Variants in HDAC9 observed in about 807,000 individuals in gnomAD.
HDAC9 encodes the protein histone deacetylase 9, also known as MEF-2 interacting transcription repressor (MITR) protein.
In HDAC9, 41 loss-of-function variants were observed where a neutral mutation model predicts 139.4. The ratio of observed to expected loss-of-function variants is 0.29; its 90% confidence interval spans 0.23 to 0.38. The LOEUF (loss-of-function observed/expected upper bound fraction) is 0.38. Among genes scored for constraint, HDAC9 ranks in the 10% least tolerant of loss-of-function variants. The probability of loss-of-function intolerance (pLI) is 1.00; values close to 1 mark genes in which losing one functional copy is unlikely to be tolerated. For synonymous variants in HDAC9, 517 were observed against 476.2 expected, an observed-to-expected ratio of 1.09 and a Z score of -1.12; for missense variants, 1,147 against 1,297.0, an observed-to-expected ratio of 0.88 and a Z score of 1.78.
intron 16 of HDAC9, among the ~76,000 whole-genome samples, chr7:18,773,194 T>C (rs113144884): frequency 2.6e-3 from 394 of 152,194 alleles, no homozygotes; most frequent in Non-Finnish European, 4.7e-3. Flanking sequence ...GAGATGCATT[T>C]TGAAATAAGA....
At chr7:18,230,644 A>C (rs1040326129) in intron 2 of HDAC9, among the ~76,000 whole-genome samples, 2 of 152,116 alleles carry the variant, frequency 1.3e-5, no homozygotes, top group African/African-American at 4.8e-5. Flanking sequence ...CGTTGTTGCT[A>C]TTTGACTTTG....
chr7:18,571,751 G>T (rs1185706690), intron 2 of HDAC9, among the ~76,000 whole-genome samples: 1 of 152,002 alleles, frequency 6.6e-6, no homozygotes, highest in Non-Finnish European at 1.5e-5. Flanking sequence ...GATTAGAGCA[G>T]AGAAAAGGCA....
intron 1 of HDAC9, among the ~76,000 whole-genome samples, chr7:18,102,418 T>C (rs910189929): frequency 2.0e-5 from 3 of 152,248 alleles, no homozygotes; most frequent in South Asian, 2.1e-4. Context: ...AAATTAACTT[T>C]TTCTTCAGCA....
chr7:18,551,250 A>G (rs948067039), intron 2 of HDAC9, among the ~76,000 whole-genome samples: 1 of 152,204 alleles, frequency 6.6e-6, no homozygotes, highest in Admixed American at 6.5e-5. Flanking sequence ...TAGATATGGT[A>G]ACTTTGATAT....
chr7:18,585,143 A>G, intron 2 of HDAC9, 138 bp from the exon 3 acceptor site: 1 of 920,714 alleles, frequency 1.1e-6, no homozygotes, highest in South Asian at 1.6e-5. Flanking sequence ...CATCATTGTA[A>G]AGAAATGGCT....
At chr7:18,712,288 A>G (rs1283729185) in intron 12 of HDAC9, among the ~76,000 whole-genome samples, 3 of 152,166 alleles carry the variant, frequency 2.0e-5, no homozygotes, top group Non-Finnish European at 4.4e-5. Context: ...CTCTTTCATC[A>G]GCGGCAACAA....
chr7:18,193,265 C>A (rs147155034), intron 2 of HDAC9, among the ~76,000 whole-genome samples: 1 of 152,030 alleles, frequency 6.6e-6, no homozygotes, highest in Non-Finnish European at 1.5e-5. Context: ...AAAGGTGGAA[C>A]AATAATCTAA....
intron 25 of HDAC9, among the ~76,000 whole-genome samples, chr7:18,981,838 G>T (rs910418510): frequency 2.0e-5 from 3 of 152,172 alleles, no homozygotes; most frequent in African/African-American, 2.4e-5. Flanking sequence ...GGATTAGGAA[G>T]TGGATAGCTT....
intron 22 of HDAC9, among the ~76,000 whole-genome samples, chr7:18,888,420 G>A (rs966173153): frequency 1.3e-5 from 2 of 152,022 alleles, no homozygotes; most frequent in South Asian, 2.1e-4. Context: ...GCGAGACTCC[G>A]TCTCAAAAAA....
chr7:18,584,350 G>C (rs959477210), intron 2 of HDAC9, among the ~76,000 whole-genome samples: 1 of 151,708 alleles, frequency 6.6e-6, no homozygotes, highest in South Asian at 2.1e-4. Flanking sequence ...GGATGGTCTC[G>C]ATCTCCTGAC....
At chr7:18,256,858 T>A (rs1431577826) in intron 2 of HDAC9, among the ~76,000 whole-genome samples, 2 of 151,684 alleles carry the variant, frequency 1.3e-5, no homozygotes, top group Non-Finnish European at 2.9e-5. Flanking sequence ...GAGGGCAAGG[T>A]AGGGGGATTG....
intron 15 of HDAC9, among the ~76,000 whole-genome samples, chr7:18,763,370 G>T (rs79583376): frequency 6.6e-6 from 1 of 152,186 alleles, no homozygotes; most frequent in African/African-American, 2.4e-5. Flanking sequence ...CCACACATGC[G>T]TGTAGCAGTA....
At chr7:18,209,989 C>T (rs1364382598) in intron 2 of HDAC9, among the ~76,000 whole-genome samples, 2 of 151,170 alleles carry the variant, frequency 1.3e-5, no homozygotes, top group East Asian at 3.9e-4. Context: ...CGTGAGCCAC[C>T]GCGCCCGGCC....
chr7:18,522,566 T>TG (rs1291526651), intron 2 of HDAC9, among the ~76,000 whole-genome samples: 2 of 139,172 alleles, frequency 1.4e-5, no homozygotes, highest in Non-Finnish European at 3.1e-5. Flanking sequence ...TTGTTAATAC[T>TG]GAAAAAAAAA....
chr7:18,273,056 G>GTTTTTTTTTTTTC (rs1796481504), intron 2 of HDAC9, among the ~76,000 whole-genome samples: 1 of 84,784 alleles, frequency 1.2e-5, no homozygotes, highest in South Asian at 3.7e-4. Context: ...CCCCTTCTTC[G>GTTTTTTTTTTTTC]TTTTTTTTTT....
intron 12 of HDAC9, among the ~76,000 whole-genome samples, chr7:18,717,644 T>A (rs1784804851): frequency 6.6e-6 from 1 of 152,088 alleles, no homozygotes. Context: ...TTGGTCAGAC[T>A]GGTCTCCAAC....
intron 2 of HDAC9, among the ~76,000 whole-genome samples, chr7:18,238,450 G>A (rs577539942): frequency 4.4e-4 from 67 of 152,328 alleles, no homozygotes; most frequent in African/African-American, 1.5e-3. Context: ...ATTAACACTA[G>A]CGTAGTGGGA....
intron 13 of HDAC9, among the ~76,000 whole-genome samples, chr7:18,741,461 G>A (rs139469460): frequency 7.1e-4 from 108 of 152,242 alleles, no homozygotes; most frequent in African/African-American, 2.4e-3. Flanking sequence ...AGGATTTTAA[G>A]CTCAATTTTT....
intron 13 of HDAC9, among the ~76,000 whole-genome samples, chr7:18,734,542 C>T (rs764748996): frequency 5.3e-5 from 8 of 152,116 alleles, no homozygotes; most frequent in Non-Finnish European, 1.0e-4. Context: ...CAGCTTCATC[C>T]GTGTCCCTGC....
Sources: allele counts gnomAD v4.1 joint callset (sites outside exome capture counted in the v4.1 genomes callset), GRCh38; gene constraint gnomAD v4.1.1; transcripts MANE v1.5; gene names NCBI Gene and HGNC (gene_info 2026-07-23, HGNC 2026-07-21).